The following PRDM16 variants were observed in gnomAD, a reference collection of about 807,000 sequenced individuals.
PRDM16 encodes the protein histone-lysine N-methyltransferase PRDM16.
A neutral mutation model predicts 110.6 loss-of-function variants in PRDM16; 23 were observed. The observed-to-expected ratio is 0.21, with a 90% CI of 0.15 to 0.29. PRDM16 has a LOEUF of 0.29. Among genes scored for constraint, PRDM16 ranks in the 10% least tolerant of loss-of-function variants. The pLI is 1.00. For missense variants in PRDM16, 1,615 were observed against 1,794.3 expected (o/e 0.90, Z 1.81); for synonymous variants, 799 against 781.8 (o/e 1.02, Z -0.37).
rs560228667 is a variant in PRDM16, at chr1:3,122,305, C to T, written c.37+53009C>T. On this transcript the variant is annotated intron_variant, in intron 1 of 16. Transcript: ENST00000270722. ...CTCTCTGCAGATCCCCTCCTCTGTC[C>T]GGTTGCTGCTCTGTCATGTCCCTCA... 7.3e-3 allele frequency among the ~76,000 whole-genome samples: 1,108 copies of T among 152,274 alleles called. 4 individuals carry two copies. The highest frequency in any genetic ancestry group is 0.013 in the South Asian group (63 of 4,834).
At chr1:3,285,587 C>T (rs1434511260) in intron 3 of PRDM16, among the ~76,000 whole-genome samples, 4 of 152,198 alleles carry the variant, frequency 2.6e-5, no homozygotes, top group Non-Finnish European at 4.4e-5. Context: ...CGGGCTTCTT[C>T]GCTCACACCC....
chr1:3,110,683 G>A (rs1265733183), intron 1 of PRDM16, among the ~76,000 whole-genome samples: 1 of 152,220 alleles, frequency 6.6e-6, no homozygotes, highest in East Asian at 1.9e-4. Context: ...ATGTATTTCT[G>A]TTAGGATGTC....
At chr1:3,136,131 C>T (rs938960094) in intron 1 of PRDM16, among the ~76,000 whole-genome samples, 9 of 152,200 alleles carry the variant, frequency 5.9e-5, no homozygotes, top group African/African-American at 1.4e-4. Context: ...AAGGGGGTCT[C>T]GGGCAGCCTC....
intron 1 of PRDM16, among the ~76,000 whole-genome samples, chr1:3,077,131 T>C (rs898815563): frequency 2.0e-5 from 3 of 152,212 alleles, no homozygotes; most frequent in African/African-American, 7.2e-5. Context: ...TTGTCTCCTT[T>C]CCCACTTTAG....
At position 3,139,497 on chromosome 1, in the gene PRDM16, C is replaced by T. The variant is rs541277349; in HGVS notation, c.38-46628C>T. On this transcript the variant is annotated intron_variant, in intron 1 of 16. Coordinates refer to ENST00000270722, the MANE Select transcript of PRDM16 (RefSeq NM_022114.4). The stretch of plus-strand genomic sequence containing the variant: ...AGCTGCTGGCAGGGGCGGGGTCCCT[C>T]GGGGGCTGCAGACCCAGGCGCTCAG... 1.2e-4 allele frequency among the ~76,000 whole-genome samples: 19 copies of T among 152,318 alleles called. No individual in the cohort carries two copies. The South Asian group carries it at 1.9e-3, about 15-fold the overall frequency.
chr1:3,435,664 G>A lies in PRDM16; in HGVS notation c.*1853G>A, dbSNP rs12735779. On this transcript the variant is annotated 3_prime_UTR_variant, in exon 17 of 17. Coordinates refer to ENST00000270722, the MANE Select transcript of PRDM16 (RefSeq NM_022114.4). ...GCCTTGGTGTGGGTTTGTGTCACGT[G>A]TGGACATCTCCTCAGGCTTTGTGTC... is the stretch of plus-strand genomic sequence containing the variant. 3.4e-5 allele frequency: 8 copies of A among 232,450 alleles called. No individual in the cohort carries two copies. The highest frequency in any genetic ancestry group is 5.9e-5 in the Non-Finnish European group (7 of 117,744). The allele number at this position is 232,450 out of a possible 1,614,324, so 14.4% of individuals were successfully genotyped here.
At chr1:3,289,980 C>T (rs1225561766) in intron 3 of PRDM16, among the ~76,000 whole-genome samples, 1 of 152,046 alleles carries the variant, frequency 6.6e-6, no homozygotes, top group African/African-American at 2.4e-5. Flanking sequence ...ACCCCACTCC[C>T]ACCCCAGGCG....
intron 3 of PRDM16, among the ~76,000 whole-genome samples, chr1:3,272,752 C>T (rs913782272): frequency 2.6e-5 from 4 of 152,336 alleles, no homozygotes; most frequent in Admixed American, 2.6e-4. Flanking sequence ...GGGTTGGGGG[C>T]CAGCCTTCCA....
chr1:3,327,726 CCACTG>C (rs1305544891), intron 3 of PRDM16, among the ~76,000 whole-genome samples: 3 of 152,200 alleles, frequency 2.0e-5, no homozygotes, highest in African/African-American at 7.2e-5. Context: ...CAAAGCGCCA[CCACTG>C]CACTTGGCCC....
At chr1:3,270,111 C>T (rs1169594332) in intron 3 of PRDM16, among the ~76,000 whole-genome samples, 1 of 148,552 alleles carries the variant, frequency 6.7e-6, no homozygotes, top group Non-Finnish European at 1.5e-5. Flanking sequence ...GGATGACAGT[C>T]GGAGAGGAGG....
In PRDM16 at chr1:3,435,165, T is replaced by C. The variant is rs951342061; in HGVS notation, c.*1354T>C. 5 of 224,588 alleles carry C rather than the reference T, an allele frequency of 2.2e-5. No homozygotes were observed. The highest frequency in any genetic ancestry group is 1.8e-4 in the South Asian group (1 of 5,452). 13.9% of individuals were successfully genotyped at this position (224,588 alleles called of 1,614,324 possible). On this transcript the variant is annotated 3_prime_UTR_variant, in exon 17 of 17. Coordinates refer to ENST00000270722, the MANE Select transcript of PRDM16 (RefSeq NM_022114.4). ...TCGGATGGGCTTTAAATTATTCCCA[T>C]AGGGGCCAATTTCAAATAATAATTT...
chr1:3,337,376 C>T (rs567218228), intron 3 of PRDM16, among the ~76,000 whole-genome samples: 4 of 152,344 alleles, frequency 2.6e-5, no homozygotes, highest in Middle Eastern at 3.4e-3. Flanking sequence ...CTTCCTCCAT[C>T]GAAGGCACCC....
chr1:3,146,533 GTGC>G (rs1398160958), intron 1 of PRDM16, among the ~76,000 whole-genome samples: 7 of 150,444 alleles, frequency 4.7e-5, no homozygotes, highest in African/African-American at 9.8e-5. Flanking sequence ...TGGGGTGTGT[GTGC>G]ACGTGTGTTC....
At position 3,120,244 on chromosome 1, in the gene PRDM16, G is replaced by A. The variant is rs147010415; in HGVS notation, c.37+50948G>A. On this transcript the variant is annotated intron_variant, in intron 1 of 16. Transcript: ENST00000270722. ...TCTCCACACTGGCCCATATCACATC[G>A]TTCCACAAAGATCGCGTGTCCTCCC... 4.7e-3 allele frequency among the ~76,000 whole-genome samples: 716 copies of A among 152,324 alleles called. 5 individuals carry two copies. The highest frequency in any genetic ancestry group is 0.016 in the African/African-American group (681 of 41,570).
intron 3 of PRDM16, among the ~76,000 whole-genome samples, chr1:3,357,234 C>G (rs1319537084): frequency 6.6e-6 from 1 of 152,170 alleles, no homozygotes. Context: ...CGTGCCTCCA[C>G]CTGGGCCATG....
chr1:3,097,732 G>A (rs1046328566), intron 1 of PRDM16, among the ~76,000 whole-genome samples: 4 of 152,262 alleles, frequency 2.6e-5, no homozygotes, highest in East Asian at 1.9e-4. Context: ...GGGTCTCCCC[G>A]AGGCCTGGGA....
chr1:3,223,541 C>T (rs1040253945), intron 2 of PRDM16, among the ~76,000 whole-genome samples: 16 of 152,290 alleles, frequency 1.1e-4, no homozygotes, highest in East Asian at 5.8e-4. Context: ...CATCCAAGTA[C>T]GTGATGGTGA....
At chr1:3,404,968 C>T in intron 7 of PRDM16, 82 bp downstream of exon 7, 1 of 1,476,638 alleles carries the variant, frequency 6.8e-7, no homozygotes, top group South Asian at 1.3e-5. Flanking sequence ...TCCCTACACC[C>T]CCTGGTCCAA....
intron 3 of PRDM16, among the ~76,000 whole-genome samples, chr1:3,284,114 C>A (rs1002343030): frequency 1.3e-5 from 2 of 152,216 alleles, no homozygotes; most frequent in Non-Finnish European, 1.5e-5. Flanking sequence ...GCCCGCCACC[C>A]GCCACCCGTA....
Sources: allele counts gnomAD v4.1 joint callset (sites outside exome capture counted in the v4.1 genomes callset), GRCh38; gene constraint gnomAD v4.1.1; transcripts MANE v1.5; gene names NCBI Gene and HGNC (gene_info 2026-07-23, HGNC 2026-07-21).